Variants in NRG3 observed in about 807,000 individuals in gnomAD.
The protein encoded by NRG3 is neuregulin 3.
A neutral mutation model predicts 66.9 loss-of-function variants in NRG3; 31 were observed. The observed-to-expected ratio is 0.46, with a 90% CI of 0.35 to 0.63. The LOEUF (loss-of-function observed/expected upper bound fraction) is 0.63. Among genes scored for constraint, NRG3 ranks in the 20% least tolerant of loss-of-function variants. NRG3 has a pLI of 0.00. For synonymous variants in NRG3, 393 were observed against 359.4 expected (o/e 1.09, Z -1.06); for missense variants, 910 against 878.9 (o/e 1.04, Z -0.45).
At chr10:82,746,936 A>T (rs2058670736) in intron 3 of NRG3, among the ~76,000 whole-genome samples, 1 of 152,098 alleles carries the variant, frequency 6.6e-6, no homozygotes, top group Admixed American at 6.5e-5. Context: ...AAAATAAAAT[A>T]GCCAGGCATG....
At chr10:82,613,679 A>T (rs959382313) in intron 2 of NRG3, among the ~76,000 whole-genome samples, 1 of 151,510 alleles carries the variant, frequency 6.6e-6, no homozygotes, top group Admixed American at 6.6e-5. Flanking sequence ...ATTTATTTTT[A>T]TTTTATTTTA....
intron 3 of NRG3, among the ~76,000 whole-genome samples, chr10:82,838,555 T>C (rs190890505): frequency 1.3e-5 from 2 of 152,202 alleles, no homozygotes; most frequent in South Asian, 2.1e-4. Context: ...ACATGGAAAA[T>C]TGAGTTGTGG....
intron 1 of NRG3, among the ~76,000 whole-genome samples, chr10:82,279,937 C>A (rs1013126800): frequency 6.6e-6 from 1 of 152,140 alleles, no homozygotes; most frequent in Non-Finnish European, 1.5e-5. Flanking sequence ...GCTATTGAAT[C>A]TACTTTTTAA....
At chr10:81,983,002 A>G (rs1392278975) in intron 1 of NRG3, among the ~76,000 whole-genome samples, 1 of 152,156 alleles carries the variant, frequency 6.6e-6, no homozygotes, top group African/African-American at 2.4e-5. Context: ...AGTGATTTTA[A>G]AACCATGTTT....
chr10:82,564,473 C>T (rs944540842), intron 2 of NRG3, among the ~76,000 whole-genome samples: 3 of 152,076 alleles, frequency 2.0e-5, no homozygotes, highest in Admixed American at 6.6e-5. Flanking sequence ...TGGGAGTTTC[C>T]ACTTACCTTG....
intron 2 of NRG3, among the ~76,000 whole-genome samples, chr10:82,373,541 C>T (rs2085023855): frequency 6.6e-6 from 1 of 152,184 alleles, no homozygotes; most frequent in African/African-American, 2.4e-5. Flanking sequence ...AGCTTTGAGG[C>T]TCAGGCTAGT....
intron 1 of NRG3, among the ~76,000 whole-genome samples, chr10:82,109,705 A>G (rs1413033911): frequency 1.3e-5 from 2 of 152,086 alleles, no homozygotes; most frequent in African/African-American, 2.4e-5. Context: ...TCAATTAATA[A>G]TAATATTAAG....
intron 1 of NRG3, among the ~76,000 whole-genome samples, chr10:82,021,858 C>T (rs2062078810): frequency 6.7e-6 from 1 of 148,250 alleles, no homozygotes; most frequent in Non-Finnish European, 1.5e-5. Context: ...TTAAGTCTTC[C>T]TGATTTGAAG....
At position 82,859,620 on chromosome 10, in the gene NRG3, G is replaced by A. The variant is rs541780411; in HGVS notation, c.1028-5791G>A. Among the ~76,000 whole-genome samples, 72 of 152,162 alleles carry A rather than the reference G, an allele frequency of 4.7e-4. 2 individuals are homozygous for A. The highest frequency in any genetic ancestry group is 2.3e-3 in the Admixed American group (35 of 15,274). ...TTCAGTCATAGAGAATTGTGAATGC[G>A]TTAGAAACACCCAGGCCTTAAACTT... On this transcript the variant is annotated intron_variant, in intron 3 of 8. Coordinates refer to ENST00000372141, the MANE Select transcript of NRG3 (RefSeq NM_001010848.4).
In NRG3 at chr10:82,738,614, T is replaced by C; in HGVS notation, c.991T>C (p.Phe331Leu). Reference sequence around the variant, plus strand: ...CTACCAAGGAGTCCGTTGTGATCAATTTCTGCCGAAAACTGATTCCATCTT... The same window carrying C: ...CTACCAAGGAGTCCGTTGTGATCAACTTCTGCCGAAAACTGATTCCATCTT... ...EGYQGVRCDQ[F>L]LPKTDSILSD... Residue 331 changes from phenylalanine to leucine, a missense_variant, in exon 3 of 9, where the codon TTT becomes CTT. Physicochemically the swap from Phe to Leu is conservative, Grantham distance 22. Transcript: ENST00000372141. 1 of 1,614,184 alleles carries C rather than the reference T, an allele frequency of 6.2e-7. No individual in the cohort carries two copies. Among genetic ancestry groups the C allele is most frequent in the Non-Finnish European group, 8.5e-7 (1 of 1,180,010 alleles).
intron 2 of NRG3, among the ~76,000 whole-genome samples, chr10:82,620,172 T>C (rs1590903646): frequency 6.6e-6 from 1 of 152,186 alleles, no homozygotes; most frequent in Non-Finnish European, 1.5e-5. Flanking sequence ...AGCTCCACCG[T>C]CTGTGGACAT....
rs146807585 is a variant in NRG3 at position 82,089,720 on chromosome 10, C to T, written c.823+213557C>T. ...AGATGATCAAGCTGCAAACTGATTC[C>T]ATACCTTATTGATTCAGACTTTGTA... On this transcript the variant is annotated intron_variant, in intron 1 of 8. Transcript: ENST00000372141. Among the ~76,000 whole-genome samples the T allele has an allele frequency of 1.9e-3, 290 of 152,268 alleles. 1 individual carries two copies. Among genetic ancestry groups the T allele is most frequent in the African/African-American group, 6.7e-3 (277 of 41,548 alleles).
intron 1 of NRG3, among the ~76,000 whole-genome samples, chr10:81,960,612 A>C (rs1850265478): frequency 6.6e-6 from 1 of 151,752 alleles, no homozygotes; most frequent in Non-Finnish European, 1.5e-5. Context: ...TGTCTCGGTA[A>C]TTAGAACAAA....
intron 4 of NRG3, among the ~76,000 whole-genome samples, chr10:82,936,551 C>G (rs926119310): frequency 6.6e-6 from 1 of 151,984 alleles, no homozygotes; most frequent in African/African-American, 2.4e-5. Flanking sequence ...AGCAGGGCAG[C>G]TATAGTCAAT....
intron 1 of NRG3, among the ~76,000 whole-genome samples, chr10:82,233,229 G>A (rs1394104763): frequency 5.9e-5 from 9 of 152,194 alleles, no homozygotes; most frequent in African/African-American, 1.7e-4. Context: ...GCCGGGCATG[G>A]TGGTAGGCAC....
At chr10:82,727,747 G>T (rs2057682860) in intron 2 of NRG3, among the ~76,000 whole-genome samples, 1 of 152,122 alleles carries the variant, frequency 6.6e-6, no homozygotes, top group Non-Finnish European at 1.5e-5. Context: ...CCCCAGAATG[G>T]TAGATCCACC....
chr10:82,321,484 G>A (rs545968333), intron 1 of NRG3, among the ~76,000 whole-genome samples: 3 of 152,290 alleles, frequency 2.0e-5, no homozygotes, highest in South Asian at 2.1e-4. Context: ...AGAAGATAAT[G>A]ACTTAAACTG....
chr10:82,021,802 G>T (rs1164706088), intron 1 of NRG3, among the ~76,000 whole-genome samples: 1 of 92,690 alleles, frequency 1.1e-5, no homozygotes, highest in Non-Finnish European at 2.6e-5. Flanking sequence ...GTGTGTGTGT[G>T]TGTGTGTGTG....
At chr10:82,900,828 T>C (rs550470327) in intron 4 of NRG3, among the ~76,000 whole-genome samples, 6 of 152,346 alleles carry the variant, frequency 3.9e-5, no homozygotes, top group African/African-American at 1.2e-4. Flanking sequence ...CTCTGTGAGA[T>C]GACACACATT....
Sources: allele counts gnomAD v4.1 joint callset (sites outside exome capture counted in the v4.1 genomes callset), GRCh38; gene constraint gnomAD v4.1.1; transcripts MANE v1.5; gene names NCBI Gene and HGNC (gene_info 2026-07-23, HGNC 2026-07-21).